The following PAK1 variants were observed in gnomAD, a reference collection of about 807,000 sequenced individuals.
PAK1 encodes the protein serine/threonine-protein kinase PAK 1.
A neutral mutation model predicts 67.4 loss-of-function variants in PAK1; 29 were observed. That is an observed-to-expected ratio of 0.43 (90% confidence interval 0.32 to 0.59). PAK1 has a LOEUF of 0.59. Among genes scored for constraint, PAK1 ranks in the 20% least tolerant of loss-of-function variants. The pLI, the probability that PAK1 is intolerant of heterozygous loss-of-function variation, is 0.07. For missense variants in PAK1, 337 were observed against 670.7 expected (o/e 0.50, Z 5.50); for synonymous variants, 223 against 237.4 (o/e 0.94, Z 0.56).
chr11:77,335,293 C>T (rs574432139), intron 13 of PAK1, among the ~76,000 whole-genome samples: 3 of 152,292 alleles, frequency 2.0e-5, no homozygotes, highest in Admixed American at 2.0e-4. Flanking sequence ...GTCCTGACTT[C>T]TCACCCTTGA....
At chr11:77,520,002 G>GT in the PAK1 span, among the ~76,000 whole-genome samples, 1 of 151,196 alleles carries the variant, frequency 6.6e-6, no homozygotes, top group Non-Finnish European at 1.5e-5. Flanking sequence ...CTGGCCTGTG[G>GT]CCCCCCCCTC....
chr11:77,427,741 A>C (rs978912617), intron 1 of PAK1, among the ~76,000 whole-genome samples: 2 of 152,224 alleles, frequency 1.3e-5, no homozygotes, highest in African/African-American at 4.8e-5. Context: ...AGAGAGAATG[A>C]AGTAAATACT....
chr11:77,500,910 G>A, the PAK1 span, among the ~76,000 whole-genome samples: 1 of 152,106 alleles, frequency 6.6e-6, no homozygotes, highest in Non-Finnish European at 1.5e-5. Context: ...CTGGGCTCCT[G>A]GCTCCCCACA....
chr11:77,479,962 A>G, the PAK1 span, among the ~76,000 whole-genome samples: 1 of 152,212 alleles, frequency 6.6e-6, no homozygotes, highest in Non-Finnish European at 1.5e-5. Context: ...TAATGCCAGG[A>G]ACCACCTGCC....
At chr11:77,325,500 C>T (rs1939584065) in intron 14 of PAK1, 1 of 934,670 alleles carries the variant, frequency 1.1e-6, no homozygotes, top group African/African-American at 1.7e-5. Context: ...TCAATATAAC[C>T]CATTTATTAC....
chr11:77,342,612 G>A (rs639857), intron 10 of PAK1, among the ~76,000 whole-genome samples: 106,601 of 152,082 alleles, frequency 0.7, 38,227 homozygotes, highest in African/African-American at 0.85. Context: ...GAGCCAGTCA[G>A]GACCCACATT....
At chr11:77,376,033 C>T (rs1019208243) in intron 4 of PAK1, among the ~76,000 whole-genome samples, 7 of 152,180 alleles carry the variant, frequency 4.6e-5, no homozygotes, top group Non-Finnish European at 1.5e-5. Context: ...TCAGGATATA[C>T]TTTAAACATA....
rs1945946241 is a variant in PAK1, at chr11:77,355,751, G to A, written c.689C>T (p.Thr230Ile). ...ATTCCGGGTCAAAGCATCTGGTGGA[G>A]TGGTGTTATTTTCAGTAGGTGAAAT... ...SPISPTENNT[T>I]PPDALTRNTE... Residue 230 changes from threonine (T) to isoleucine (I), a missense_variant, in exon 7 of 15, where the codon ACT becomes ATT. Transcript: ENST00000356341. 2 of 1,612,996 alleles carry A rather than the reference G, an allele frequency of 1.2e-6. No homozygotes were observed. The highest frequency in any genetic ancestry group is 1.7e-5 in the Admixed American group (1 of 59,974).
chr11:77,426,296 C>T (rs1482920895), intron 1 of PAK1, among the ~76,000 whole-genome samples: 1 of 151,968 alleles, frequency 6.6e-6, no homozygotes, highest in African/African-American at 2.4e-5. Flanking sequence ...TGGAAGTAAA[C>T]GTAGCTTTAG....
chr11:77,438,460 G>A (rs1956222223), intron 1 of PAK1, among the ~76,000 whole-genome samples: 1 of 152,172 alleles, frequency 6.6e-6, no homozygotes, highest in Non-Finnish European at 1.5e-5. Context: ...CTCCAAAACA[G>A]ACAATGAGCT....
intron 1 of PAK1, among the ~76,000 whole-genome samples, chr11:77,430,199 A>C (rs773045910): frequency 5.3e-5 from 8 of 152,144 alleles, no homozygotes; most frequent in Admixed American, 2.0e-4. Flanking sequence ...ATAGTGATTA[A>C]ATATTGGGGG....
intron 7 of PAK1, among the ~76,000 whole-genome samples, chr11:77,354,335 T>C (rs1157856165): frequency 6.6e-6 from 1 of 152,186 alleles, no homozygotes; most frequent in African/African-American, 2.4e-5. Context: ...CAATGTGCTC[T>C]CCATTAATAC....
intron 1 of PAK1, among the ~76,000 whole-genome samples, chr11:77,407,402 T>C (rs1034984986): frequency 6.6e-6 from 1 of 152,166 alleles, no homozygotes; most frequent in African/African-American, 2.4e-5. Context: ...TCCTCTCCTA[T>C]TAGTCTGTGA....
rs191920590 is a variant in PAK1 at position 77,395,607 on chromosome 11, C to A, written c.-21-3066G>T. ...TTACTTATACACACACACAGACACA[C>A]ACACAAACACACACCCCAACGTGTT... On this transcript the variant is annotated intron_variant, in intron 1 of 14. Transcript: ENST00000356341. 6.9e-4 allele frequency among the ~76,000 whole-genome samples: 104 copies of A among 151,524 alleles called. No individual in the cohort carries two copies. The East Asian group carries it at 0.019, about 27-fold the overall frequency.
intron 9 of PAK1, among the ~76,000 whole-genome samples, chr11:77,345,866 G>C (rs1425579989): frequency 6.6e-6 from 1 of 152,232 alleles, no homozygotes; most frequent in Non-Finnish European, 1.5e-5. Context: ...CCATCTTGGA[G>C]GATGGGACAC....
upstream of PAK1, chr11:77,475,466 C>A (rs1958046848): frequency 6.6e-6 from 1 of 152,220 alleles, no homozygotes; most frequent in Non-Finnish European, 1.5e-5. Flanking sequence ...GGATAAAGTT[C>A]AAACTCCTGA....
chr11:77,403,706 A>G (rs549759174), intron 1 of PAK1, among the ~76,000 whole-genome samples: 4 of 152,252 alleles, frequency 2.6e-5, no homozygotes, highest in African/African-American at 9.6e-5. Flanking sequence ...CTTTCTCCCA[A>G]CTGTCATTAT....
upstream of PAK1, chr11:77,475,858 G>A (rs1455588089): frequency 1.3e-5 from 2 of 152,140 alleles, no homozygotes; most frequent in African/African-American, 4.8e-5. Context: ...ATATACCTAA[G>A]TATCAATATG....
At chr11:77,390,756 C>A (rs1565654659) in intron 2 of PAK1, among the ~76,000 whole-genome samples, 1 of 151,050 alleles carries the variant, frequency 6.6e-6, no homozygotes, top group Non-Finnish European at 1.5e-5. Context: ...CCCACCTCGG[C>A]CTCCCAAAGT....
Sources: allele counts gnomAD v4.1 joint callset (sites outside exome capture counted in the v4.1 genomes callset), GRCh38; gene constraint gnomAD v4.1.1; transcripts MANE v1.5; gene names NCBI Gene and HGNC (gene_info 2026-07-23, HGNC 2026-07-21).